The following ZFHX3 variants were observed in gnomAD, a reference collection of about 807,000 sequenced individuals.
ZFHX3 encodes the protein zinc finger homeobox 3, also known as zinc finger homeobox protein 3.
ZFHX3 carries 42 observed loss-of-function variants against 279.1 expected under a neutral mutation model. The ratio of observed to expected loss-of-function variants is 0.15; its 90% confidence interval spans 0.12 to 0.19. The LOEUF (loss-of-function observed/expected upper bound fraction) is 0.19, where lower values mean the gene tolerates loss of function less well. Among genes scored for constraint, ZFHX3 ranks in the 10% least tolerant of loss-of-function variants. The probability of loss-of-function intolerance (pLI) is 1.00; values close to 1 mark genes in which losing one functional copy is unlikely to be tolerated. For synonymous variants in ZFHX3, 2,293 were observed against 1,957.8 expected, an observed-to-expected ratio of 1.17 and a Z score of -4.52; for missense variants, 4,981 against 4,754.0, an observed-to-expected ratio of 1.05 and a Z score of -1.40.
chr16:73,328,993 C>T (rs2015746933), intron 3 of ZFHX3, among the ~76,000 whole-genome samples: 1 of 152,226 alleles, frequency 6.6e-6, no homozygotes, highest in Non-Finnish European at 1.5e-5. Flanking sequence ...GCTACATGAA[C>T]TCATTCTTTT....
At chr16:73,150,603 G>A (rs991345379) in intron 5 of ZFHX3, among the ~76,000 whole-genome samples, 10 of 152,132 alleles carry the variant, frequency 6.6e-5, no homozygotes, top group Admixed American at 1.3e-4. Context: ...AAACATAAAA[G>A]CATGAAATCA....
intron 3 of ZFHX3, among the ~76,000 whole-genome samples, chr16:73,352,976 G>A (rs1038878378): frequency 1.3e-5 from 2 of 152,174 alleles, no homozygotes; most frequent in African/African-American, 2.4e-5. Flanking sequence ...TCCAGGGGTA[G>A]AGAGTTGCTG....
chr16:73,134,863 T>G (rs1285328013), intron 6 of ZFHX3, among the ~76,000 whole-genome samples: 1 of 152,146 alleles, frequency 6.6e-6, no homozygotes, highest in East Asian at 1.9e-4. Flanking sequence ...ATCATGTGAT[T>G]TTTTCTCTTC....
At chr16:73,120,649 C>CTTTTTTTTTTTTTTTTTTTTTTTT (rs140219846) in intron 7 of ZFHX3, among the ~76,000 whole-genome samples, 1 of 106,202 alleles carries the variant, frequency 9.4e-6, no homozygotes, top group Non-Finnish European at 2.0e-5. Flanking sequence ...ATCCTCTCTA[C>CTTTTTTTTTTTTTTTTTTTTTTTT]CTTTTTTTTT....
At chr16:73,538,239 A>G (rs2019942128) in intron 2 of ZFHX3, among the ~76,000 whole-genome samples, 2 of 152,188 alleles carry the variant, frequency 1.3e-5, no homozygotes, top group Admixed American at 6.5e-5. Context: ...AAAATGGAAA[A>G]GACTTCATGT....
intron 3 of ZFHX3, among the ~76,000 whole-genome samples, chr16:73,331,362 A>G (rs2015800681): frequency 6.6e-6 from 1 of 152,344 alleles, no homozygotes; most frequent in African/African-American, 2.4e-5. Context: ...TATCAGCAGC[A>G]TTTGTAGAAA....
At chr16:73,549,114 C>T (rs2020166142) in intron 2 of ZFHX3, among the ~76,000 whole-genome samples, 1 of 152,128 alleles carries the variant, frequency 6.6e-6, no homozygotes, top group South Asian at 2.1e-4. Flanking sequence ...TAAAAATATT[C>T]AGATACACAG....
At chr16:73,172,996 G>GTTTTTTTTTTTTT (rs1157843511) in intron 5 of ZFHX3, among the ~76,000 whole-genome samples, 2 of 25,286 alleles carry the variant, frequency 7.9e-5, no homozygotes, top group African/African-American at 3.5e-4. Context: ...CTGTTTTTTT[G>GTTTTTTTTTTTTT]TTTTTTTTTT....
chr16:73,625,295 C>T (rs2052404595), intron 2 of ZFHX3, among the ~76,000 whole-genome samples: 1 of 152,168 alleles, frequency 6.6e-6, no homozygotes, highest in Non-Finnish European at 1.5e-5. Context: ...TAATAAAAAA[C>T]AGCCACTTCA....
At chr16:73,216,384 A>T (rs935970474) in intron 5 of ZFHX3, among the ~76,000 whole-genome samples, 6 of 152,166 alleles carry the variant, frequency 3.9e-5, no homozygotes, top group Non-Finnish European at 8.8e-5. Flanking sequence ...CCCCAACTGA[A>T]TTGGTTCCCG....
At chr16:73,107,303 CTG>C (rs1466127967) in intron 7 of ZFHX3, among the ~76,000 whole-genome samples, 1 of 151,756 alleles carries the variant, frequency 6.6e-6, no homozygotes, top group East Asian at 1.9e-4. Context: ...GAGCAAGACT[CTG>C]TCTCAAAAAA....
At chr16:73,524,080 G>A (rs577220383) in intron 2 of ZFHX3, among the ~76,000 whole-genome samples, 11 of 152,246 alleles carry the variant, frequency 7.2e-5, no homozygotes, top group Admixed American at 2.6e-4. Flanking sequence ...ATGAATGTTC[G>A]CATAAGGGAA....
intron 1 of ZFHX3, among the ~76,000 whole-genome samples, chr16:73,784,816 T>TATATACACACAC (rs1555501460): frequency 1.5e-4 from 21 of 135,524 alleles, no homozygotes; most frequent in African/African-American, 4.3e-4. Flanking sequence ...TATATATATA[T>TATATACACACAC]ACACACACAC....
intron 3 of ZFHX3, among the ~76,000 whole-genome samples, chr16:73,411,000 A>T (rs1007649937): frequency 6.6e-6 from 1 of 152,164 alleles, no homozygotes; most frequent in African/African-American, 2.4e-5. Context: ...CATAGCACAG[A>T]GCTCTGATAC....
At chr16:73,347,231 G>GTT (rs1318864309) in intron 3 of ZFHX3, among the ~76,000 whole-genome samples, 4 of 152,230 alleles carry the variant, frequency 2.6e-5, no homozygotes, top group African/African-American at 4.8e-5. Flanking sequence ...TGACACAGCA[G>GTT]GGCCCACAAT....
At chr16:73,756,075 T>C (rs925981198) in intron 1 of ZFHX3, among the ~76,000 whole-genome samples, 6 of 152,172 alleles carry the variant, frequency 3.9e-5, no homozygotes, top group Non-Finnish European at 7.3e-5. Flanking sequence ...TGACTTTCTT[T>C]TGTAAGAGTC....
At chr16:73,080,769 G>A in intron 8 of ZFHX3, among the ~76,000 whole-genome samples, 1 of 152,050 alleles carries the variant, frequency 6.6e-6, no homozygotes, top group East Asian at 1.9e-4. Flanking sequence ...TGTAGGGACA[G>A]GGTCTTGCTA....
At chr16:72,961,323 G>A (rs1366217634) in intron 1 of ZFHX3, among the ~76,000 whole-genome samples, 1 of 152,228 alleles carries the variant, frequency 6.6e-6, no homozygotes, top group Non-Finnish European at 1.5e-5. Flanking sequence ...AAGTGCCACT[G>A]AGCTGAATGT....
chr16:72,958,200 A>G lies in ZFHX3; in HGVS notation c.1946T>C (p.Leu649Pro). 6 of 1,612,390 alleles carry G rather than the reference A, an allele frequency of 3.7e-6. No homozygotes were observed. Among genetic ancestry groups the G allele is most frequent in the Non-Finnish European group, 5.1e-6 (6 of 1,178,544 alleles). Reference protein sequence around the residue: ...GVECPKCDTVLGSSRSLGGHM... With the variant: ...GVECPKCDTVPGSSRSLGGHM... ...GCCGCCCAGCGAGCGGGAGGAGCCC[A>G]GGACCGTGTCGCATTTGGGGCACTC... is the stretch of plus-strand genomic sequence containing the variant. Residue 649 changes from leucine (L) to proline (P), a missense_variant, in exon 2 of 10, where the codon CTG (leucine) becomes CCG (proline). Leu to Pro is a moderately conservative substitution (Grantham distance 98, BLOSUM62 -3). Transcript: ENST00000268489.
Sources: allele counts gnomAD v4.1 joint callset (sites outside exome capture counted in the v4.1 genomes callset), GRCh38; gene constraint gnomAD v4.1.1; transcripts MANE v1.5; gene names NCBI Gene and HGNC (gene_info 2026-07-23, HGNC 2026-07-21).